Variants in CDH13 observed in about 807,000 individuals in gnomAD.
The protein encoded by CDH13 is cadherin-13.
A neutral mutation model predicts 63.8 loss-of-function variants in CDH13; 24 were observed. The observed-to-expected ratio is 0.38, with a 90% CI of 0.27 to 0.53. The LOEUF (loss-of-function observed/expected upper bound fraction) is 0.53, where lower values mean the gene tolerates loss of function less well. Among genes scored for constraint, CDH13 ranks in the 20% least tolerant of loss-of-function variants. The probability of loss-of-function intolerance (pLI) is 0.85; values close to 1 mark genes in which losing one functional copy is unlikely to be tolerated. For missense variants in CDH13, 1,049 were observed against 903.1 expected (o/e 1.16, Z -2.07); for synonymous variants, 503 against 355.3 (o/e 1.42, Z -4.67).
intron 11 of CDH13, among the ~76,000 whole-genome samples, chr16:83,759,684 TGGGAAGCCAAGGTG>T (rs1449791267): frequency 6.6e-6 from 1 of 152,008 alleles, no homozygotes; most frequent in African/African-American, 2.4e-5. Context: ...CCCAGCACCT[TGGGAAGCCAAGGTG>T]GGCAGATCAC....
intron 3 of CDH13, among the ~76,000 whole-genome samples, chr16:83,093,150 A>G (rs1427447291): frequency 6.6e-6 from 1 of 152,092 alleles, no homozygotes; most frequent in African/African-American, 2.4e-5. Flanking sequence ...TGCTAAAGCG[A>G]ACTTCTTGTT....
At chr16:83,063,530 T>C (rs2031759346) in intron 3 of CDH13, among the ~76,000 whole-genome samples, 1 of 152,152 alleles carries the variant, frequency 6.6e-6, no homozygotes, top group Non-Finnish European at 1.5e-5. Context: ...GTTATAGCAA[T>C]AGAGATGGAC....
At chr16:82,949,896 C>G (rs1487317291) in intron 2 of CDH13, among the ~76,000 whole-genome samples, 1 of 152,012 alleles carries the variant, frequency 6.6e-6, no homozygotes, top group Non-Finnish European at 1.5e-5. Context: ...CAATTGGGTG[C>G]TTCATTTGAA....
intron 11 of CDH13, among the ~76,000 whole-genome samples, chr16:83,757,598 A>C (rs981223618): frequency 3.3e-5 from 5 of 152,314 alleles, no homozygotes; most frequent in African/African-American, 1.2e-4. Flanking sequence ...TTAAAAATTG[A>C]AAATCAACAA....
intron 4 of CDH13, among the ~76,000 whole-genome samples, chr16:83,178,290 C>T (rs938185424): frequency 4.6e-5 from 7 of 152,046 alleles, no homozygotes; most frequent in African/African-American, 1.2e-4. Context: ...AGCCCTCCTC[C>T]GCCAGCTGCG....
At chr16:83,267,826 T>C (rs2088670992) in intron 5 of CDH13, among the ~76,000 whole-genome samples, 1 of 152,220 alleles carries the variant, frequency 6.6e-6, no homozygotes, top group African/African-American at 2.4e-5. Context: ...TATGTTGTCA[T>C]AGCATAAAAT....
intron 2 of CDH13, among the ~76,000 whole-genome samples, chr16:83,002,285 C>A (rs1163546394): frequency 1.3e-5 from 2 of 152,166 alleles, no homozygotes; most frequent in African/African-American, 4.8e-5. Context: ...AACAACACTG[C>A]AGGAGGAGGA....
chr16:83,678,604 G>A, intron 10 of CDH13, 143 bp downstream of exon 10: 1 of 1,104,286 alleles, frequency 9.1e-7, no homozygotes, highest in South Asian at 1.6e-5. Flanking sequence ...AAGCGTCATA[G>A]AGAGGAGGTT....
chr16:83,414,635 T>C (rs1417503859), intron 6 of CDH13, among the ~76,000 whole-genome samples: 1 of 152,194 alleles, frequency 6.6e-6, no homozygotes, highest in Admixed American at 6.5e-5. Context: ...TATATGACTA[T>C]TTTGAGTACT....
chr16:83,158,157 G>A (rs1340505873), intron 4 of CDH13, among the ~76,000 whole-genome samples: 1 of 151,822 alleles, frequency 6.6e-6, no homozygotes, highest in East Asian at 1.9e-4. Context: ...CTGAATCCAG[G>A]TACTCCCACT....
intron 1 of CDH13, among the ~76,000 whole-genome samples, chr16:82,786,496 T>TTGTGTG (rs61029619): frequency 6.7e-6 from 1 of 148,468 alleles, no homozygotes; most frequent in Admixed American, 6.7e-5. Context: ...TCTTCTTCTT[T>TTGTGTG]TGTGTGTGTG....
Position 83,049,933 on chromosome 16 carries a change from T to G in CDH13, c.366+17715T>G, listed in dbSNP as rs145052110. On this transcript the variant is annotated intron_variant, in intron 3 of 13. Transcript: ENST00000567109. ...TTTACAATGATTGAGTGTGGGCAGC[T>G]CTATTATCTGGATTTCATTAAGATG... Among the ~76,000 whole-genome samples the G allele has an allele frequency of 3.8e-4, 58 of 152,322 alleles. No individual in the cohort carries two copies. In the Middle Eastern group the frequency reaches 0.01, roughly 27 times the overall value.
intron 7 of CDH13, among the ~76,000 whole-genome samples, chr16:83,525,825 G>C (rs2074947561): frequency 6.6e-6 from 1 of 152,178 alleles, no homozygotes; most frequent in African/African-American, 2.4e-5. Context: ...CTGAAGAAGA[G>C]AACGGGACAG....
Position 83,486,519 on chromosome 16 carries a change from C to G in CDH13, c.824C>G (p.Pro275Arg). ...ATGACAGCCTTTGATGCAGATGACC[C>G]AGCCACCGATAATGCCCTCCTGCGG... ...MRMTAFDADD[P>R]ATDNALLRYN... The change falls in exon 7 of 14, where the codon CCA (proline) becomes CGA (arginine). Residue 275 changes from proline to arginine, a missense_variant. Coordinates refer to ENST00000567109, the MANE Select transcript of CDH13 (RefSeq NM_001257.5). The G allele has an allele frequency of 1.2e-6, 2 of 1,613,844 alleles. No individual in the cohort carries two copies. Among genetic ancestry groups the G allele is most frequent in the Non-Finnish European group, 1.7e-6 (2 of 1,179,830 alleles).
chr16:83,389,339 A>G (rs2091739589), intron 6 of CDH13, among the ~76,000 whole-genome samples: 1 of 152,166 alleles, frequency 6.6e-6, no homozygotes, highest in African/African-American at 2.4e-5. Flanking sequence ...TTTTTACCAA[A>G]ATGAGATCGT....
chr16:83,301,025 G>GTTTTTTTTTTTTTTTTTTTTTTTTT (rs3052591), intron 5 of CDH13, among the ~76,000 whole-genome samples: 3 of 78,756 alleles, frequency 3.8e-5, no homozygotes, highest in African/African-American at 1.6e-4. Flanking sequence ...ACTTTCTGGG[G>GTTTTTTTTTTTTTTTTTTTTTTTTT]TTTTTTTTTT....
chr16:83,627,761 C>G (rs968753940), intron 8 of CDH13, among the ~76,000 whole-genome samples: 10 of 152,062 alleles, frequency 6.6e-5, no homozygotes, highest in Non-Finnish European at 1.5e-4. Context: ...GGATCTTACA[C>G]AAGAAAGAAT....
chr16:83,078,615 G>T (rs985407838), intron 3 of CDH13, among the ~76,000 whole-genome samples: 2 of 152,198 alleles, frequency 1.3e-5, no homozygotes, highest in Admixed American at 1.3e-4. Context: ...CATGGCCGAG[G>T]AGTTGGGGAC....
At chr16:83,512,982 G>C (rs1377212983) in intron 7 of CDH13, among the ~76,000 whole-genome samples, 2 of 151,130 alleles carry the variant, frequency 1.3e-5, no homozygotes, top group Non-Finnish European at 2.9e-5. Flanking sequence ...TGGGCAGTCA[G>C]CTAAATCCAG....
Sources: gnomAD v4.1 joint callset for allele counts (sites outside exome capture counted in the v4.1 genomes callset) on GRCh38, gnomAD v4.1.1 for gene constraint, MANE v1.5 for transcripts, NCBI Gene and HGNC (gene_info 2026-07-23, HGNC 2026-07-21) for gene names.